CTNNA3: variants seen among roughly 807,000 people sequenced by gnomAD.
CTNNA3 encodes the protein catenin alpha 3.
CTNNA3 carries 76 observed loss-of-function variants against 95.7 expected under a neutral mutation model. That is an observed-to-expected ratio of 0.79 (90% CI 0.66 to 0.96). CTNNA3 has a LOEUF of 0.96. CTNNA3 is among the 40% of genes least tolerant of loss of function. The probability of loss-of-function intolerance (pLI) is 0.00; values close to 1 mark genes in which losing one functional copy is unlikely to be tolerated. For synonymous variants in CTNNA3, 431 were observed against 374.4 expected, an observed-to-expected ratio of 1.15 and a Z score of -1.74; for missense variants, 1,191 against 1,089.8, an observed-to-expected ratio of 1.09 and a Z score of -1.31.
At chr10:66,170,319 C>T (rs2085352998) in intron 13 of CTNNA3, among the ~76,000 whole-genome samples, 1 of 139,586 alleles carries the variant, frequency 7.2e-6, no homozygotes, top group Admixed American at 7.7e-5. Context: ...AGAAATATGG[C>T]ATTCAAGAAG....
chr10:66,027,358 T>C (rs144854197), intron 15 of CTNNA3, among the ~76,000 whole-genome samples: 1 of 152,216 alleles, frequency 6.6e-6, no homozygotes, highest in Non-Finnish European at 1.5e-5. Flanking sequence ...TAACAATTAG[T>C]CTTATTGTTG....
intron 7 of CTNNA3, among the ~76,000 whole-genome samples, chr10:67,100,100 A>G (rs1271383397): frequency 1.3e-5 from 2 of 151,822 alleles, no homozygotes; most frequent in African/African-American, 4.8e-5. Flanking sequence ...TAATAAACCT[A>G]TTTCTAGACA....
At chr10:65,936,720 AC>A in intron 17 of CTNNA3, among the ~76,000 whole-genome samples, 1 of 152,130 alleles carries the variant, frequency 6.6e-6, no homozygotes, top group Non-Finnish European at 1.5e-5. Flanking sequence ...TATGTTGAAA[AC>A]TTTTCTCTGT....
chr10:66,172,356 A>C (rs1212389268), intron 13 of CTNNA3, among the ~76,000 whole-genome samples: 1 of 152,152 alleles, frequency 6.6e-6, no homozygotes, highest in Non-Finnish European at 1.5e-5. Flanking sequence ...AACTTAATTT[A>C]GTATTTGGCT....
At chr10:66,007,731 T>C (rs1220769906) in intron 15 of CTNNA3, among the ~76,000 whole-genome samples, 6 of 116,230 alleles carry the variant, frequency 5.2e-5, no homozygotes, top group East Asian at 5.6e-4. Flanking sequence ...CCTCCCTTTC[T>C]TCCTCCCTAC....
At chr10:66,488,714 T>C (rs1353259388) in intron 11 of CTNNA3, among the ~76,000 whole-genome samples, 1 of 152,114 alleles carries the variant, frequency 6.6e-6, no homozygotes, top group Non-Finnish European at 1.5e-5. Flanking sequence ...AACAGCTGTC[T>C]AATAGATTAT....
intron 5 of CTNNA3, among the ~76,000 whole-genome samples, chr10:67,281,476 A>G (rs1839398217): frequency 6.6e-6 from 1 of 152,302 alleles, no homozygotes; most frequent in Admixed American, 6.5e-5. Context: ...GCAAAGCTTA[A>G]AAGGAGCCCA....
At chr10:66,519,107 A>T (rs10762074) in intron 11 of CTNNA3, among the ~76,000 whole-genome samples, 36,098 of 151,962 alleles carry the variant, frequency 0.24, 5,824 homozygotes, top group East Asian at 0.79. Context: ...TCCTTCTCTT[A>T]CAAAAAAGGA....
chr10:66,856,976 T>G (rs186995278), intron 7 of CTNNA3, among the ~76,000 whole-genome samples: 1 of 152,228 alleles, frequency 6.6e-6, no homozygotes, highest in Non-Finnish European at 1.5e-5. Flanking sequence ...TGAAAATTTT[T>G]GCCAGGGACT....
chr10:67,390,341 C>G (rs1383819264), intron 5 of CTNNA3, among the ~76,000 whole-genome samples: 1 of 152,152 alleles, frequency 6.6e-6, no homozygotes. Context: ...TACACTCTCC[C>G]AAGACTAAAC....
intron 5 of CTNNA3, among the ~76,000 whole-genome samples, chr10:67,505,557 T>G (rs1839403757): frequency 6.6e-6 from 1 of 152,200 alleles, no homozygotes; most frequent in Admixed American, 6.5e-5. Context: ...CATTATAATT[T>G]CTTCATTAAG....
rs563979879 is a variant in CTNNA3, at chr10:67,060,887, A to T, written c.1047+119430T>A. The stretch of plus-strand genomic sequence containing the variant: ...AGCTATGACTTTAACTAGTTTTTTT[A>T]AATTGTTTTTGACAGTGCAGCATAG... On this transcript the variant is annotated intron_variant, in intron 7 of 17. Transcript: ENST00000433211. Among the ~76,000 whole-genome samples, 5 of 152,304 alleles carry T rather than the reference A, an allele frequency of 3.3e-5. No homozygotes were observed. In the East Asian group the frequency reaches 9.6e-4, roughly 29 times the overall value.
chr10:66,176,761 T>C (rs2131845105), intron 13 of CTNNA3, among the ~76,000 whole-genome samples: 1 of 152,192 alleles, frequency 6.6e-6, no homozygotes, highest in South Asian at 2.1e-4. Flanking sequence ...CAAATATGCC[T>C]TGATTTTGGA....
chr10:66,985,995 G>C (rs934761648), intron 7 of CTNNA3, among the ~76,000 whole-genome samples: 16 of 151,958 alleles, frequency 1.1e-4, no homozygotes, highest in Admixed American at 1.0e-3. Context: ...AAAAGTGCTG[G>C]GATTACAGGC....
intron 1 of CTNNA3, among the ~76,000 whole-genome samples, chr10:67,675,067 T>A (rs1564823538): frequency 6.6e-6 from 1 of 152,276 alleles, no homozygotes; most frequent in East Asian, 1.9e-4. Context: ...CAGTAACTAG[T>A]GAAGAAAACT....
At chr10:67,430,774 G>GA (rs1191202463) in intron 5 of CTNNA3, among the ~76,000 whole-genome samples, 1 of 148,266 alleles carries the variant, frequency 6.7e-6, no homozygotes, top group Admixed American at 6.8e-5. Context: ...TTATGGGCTG[G>GA]AAAAAATGGT....
intron 9 of CTNNA3, among the ~76,000 whole-genome samples, chr10:66,646,525 A>G (rs956446419): frequency 6.6e-6 from 1 of 152,150 alleles, no homozygotes; most frequent in African/African-American, 2.4e-5. Context: ...AAATACAGAC[A>G]TCTTTTGTTG....
At chr10:66,200,956 T>G (rs1482887061) in intron 13 of CTNNA3, among the ~76,000 whole-genome samples, 1 of 152,172 alleles carries the variant, frequency 6.6e-6, no homozygotes, top group Non-Finnish European at 1.5e-5. Context: ...CCATTGTTAC[T>G]GACACCATGA....
chr10:66,464,263 A>C (rs1041793151), intron 11 of CTNNA3, among the ~76,000 whole-genome samples: 1 of 152,138 alleles, frequency 6.6e-6, no homozygotes, highest in Non-Finnish European at 1.5e-5. Flanking sequence ...TTTCAACTAA[A>C]GAATCTAAAT....
Sources: gnomAD v4.1 joint callset for allele counts (sites outside exome capture counted in the v4.1 genomes callset) on GRCh38, gnomAD v4.1.1 for gene constraint, MANE v1.5 for transcripts, NCBI Gene and HGNC (gene_info 2026-07-23, HGNC 2026-07-21) for gene names.